Variants in TRIM24 observed in about 807,000 individuals in gnomAD.
TRIM24 encodes the protein transcription intermediary factor 1-alpha.
In TRIM24, 29 loss-of-function variants were observed where a neutral mutation model predicts 123.9. The ratio of observed to expected loss-of-function variants is 0.23; its 90% CI spans 0.17 to 0.32. TRIM24 has a LOEUF of 0.32. Among genes scored for constraint, TRIM24 ranks in the 10% least tolerant of loss-of-function variants. The pLI, the probability that TRIM24 is intolerant of heterozygous loss-of-function variation, is 1.00. For synonymous variants in TRIM24, 456 were observed against 461.1 expected (o/e 0.99, Z 0.14); for missense variants, 932 against 1,295.3 (o/e 0.72, Z 4.31).
intron 1 of TRIM24, among the ~76,000 whole-genome samples, chr7:138,498,620 C>T (rs1795966737): frequency 6.6e-6 from 1 of 151,986 alleles, no homozygotes; most frequent in Non-Finnish European, 1.5e-5. Context: ...AAGAATGTGC[C>T]TTCTGCTCAC....
In TRIM24 at chr7:138,587,330, GTGA is replaced by G. The variant is rs1798037991; in HGVS notation, c.*2380_*2382del. On this transcript the variant is annotated 3_prime_UTR_variant, in exon 19 of 19. Coordinates refer to ENST00000343526, the MANE Select transcript of TRIM24 (RefSeq NM_015905.3). ...ATCTCACCATTGCACTCCAGCCTGAGTGACAGAGACTCAGTCTCAAAAACAAAA... is the reference window on the plus strand; with the variant it reads ...ATCTCACCATTGCACTCCAGCCTGAGCAGAGACTCAGTCTCAAAAACAAAA... 6.6e-6 allele frequency: 1 copy of G among 152,278 alleles called. No homozygotes were observed. 9.4% of individuals were successfully genotyped at this position (152,278 alleles called of 1,614,324 possible). A position where few individuals can be genotyped will look rare whatever the true frequency, so the allele number is the denominator to read the frequency against.
At chr7:138,524,920 T>C (rs997772168) in intron 4 of TRIM24, among the ~76,000 whole-genome samples, 1 of 152,122 alleles carries the variant, frequency 6.6e-6, no homozygotes, top group Non-Finnish European at 1.5e-5. Flanking sequence ...AATTACAAAA[T>C]AGTTAATAAA....
At chr7:138,508,724 T>TGCGC (rs1554436744) in intron 2 of TRIM24, among the ~76,000 whole-genome samples, 1 of 148,724 alleles carries the variant, frequency 6.7e-6, no homozygotes, top group African/African-American at 2.5e-5. Flanking sequence ...TGTGTGCGTG[T>TGCGC]GTGTGTGTGT....
At chr7:138,468,461 C>A (rs1795199947) in intron 1 of TRIM24, among the ~76,000 whole-genome samples, 1 of 150,882 alleles carries the variant, frequency 6.6e-6, no homozygotes, top group Non-Finnish European at 1.5e-5. Context: ...GATATTAATG[C>A]CATTGTTTTT....
rs535127903 is a variant in TRIM24, at chr7:138,479,589, C to T, written c.364+18677C>T. Among the ~76,000 whole-genome samples the T allele has an allele frequency of 6.0e-5, 9 of 151,250 alleles. No individual in the cohort carries two copies. In the East Asian group the frequency reaches 7.9e-4, roughly 13 times the overall value. ...GTGCAGTGGCGGGATGTTGGCTCACCGCAATCTCTGCCTCCTGGGTTCAAG... is the reference window on the plus strand; with the variant it reads ...GTGCAGTGGCGGGATGTTGGCTCACTGCAATCTCTGCCTCCTGGGTTCAAG... On this transcript the variant is annotated intron_variant, in intron 1 of 18. Transcript: ENST00000343526.
At chr7:138,476,761 G>A (rs1456622015) in intron 1 of TRIM24, among the ~76,000 whole-genome samples, 4 of 152,102 alleles carry the variant, frequency 2.6e-5, no homozygotes, top group East Asian at 3.9e-4. Context: ...AAATGCAAAT[G>A]CATTTCCTCA....
chr7:138,502,955 A>G (rs1436674515), intron 1 of TRIM24, among the ~76,000 whole-genome samples: 1 of 152,120 alleles, frequency 6.6e-6, no homozygotes, highest in Non-Finnish European at 1.5e-5. Flanking sequence ...TCACAAAGAT[A>G]TTCTCTTACA....
chr7:138,505,008 G>A (rs960708217), intron 2 of TRIM24, among the ~76,000 whole-genome samples: 1 of 148,264 alleles, frequency 6.7e-6, no homozygotes, highest in Non-Finnish European at 1.5e-5. Flanking sequence ...TAATCCACCC[G>A]CCTCGGCCTC....
rs1236411251 is a variant in TRIM24 at position 138,460,477 on chromosome 7, G to A, written c.-72G>A. 8.0e-7 allele frequency: 1 copy of A among 1,248,602 alleles called. No individual in the cohort carries two copies. The highest frequency in any genetic ancestry group is 3.2e-5 in the East Asian group (1 of 31,652). The allele number at this position is 1,248,602 out of a possible 1,614,324, so 77.3% of individuals were successfully genotyped here. On this transcript the variant is annotated 5_prime_UTR_variant, in exon 1 of 19. Coordinates refer to ENST00000343526, the MANE Select transcript of TRIM24 (RefSeq NM_015905.3). ...GGCCTCTGAGGAGCAGCCGCAGGAG[G>A]AGGAGGAGGTCGTCGGGGGCGGCGG...
At chr7:138,507,357 T>C (rs999790987) in intron 2 of TRIM24, among the ~76,000 whole-genome samples, 9 of 139,792 alleles carry the variant, frequency 6.4e-5, no homozygotes, top group African/African-American at 2.3e-4. Flanking sequence ...ATTTCATCTG[T>C]AATTTTTTTT....
chr7:138,518,998 CT>C (rs1190874891), intron 3 of TRIM24, among the ~76,000 whole-genome samples, 190 bp from the exon 4 acceptor site: 30 of 151,494 alleles, frequency 2.0e-4, no homozygotes, highest in Admixed American at 2.0e-3. Flanking sequence ...AGGTTATTTA[CT>C]TTTTTTTTCC....
chr7:138,558,008 T>C (rs1210599436), intron 9 of TRIM24, among the ~76,000 whole-genome samples: 3 of 152,218 alleles, frequency 2.0e-5, no homozygotes, highest in Non-Finnish European at 4.4e-5. Context: ...TTCTCCTTTT[T>C]GTTTCATCAT....
At chr7:138,508,662 A>AGTGTGTGTGTGTGT (rs781643258) in intron 2 of TRIM24, among the ~76,000 whole-genome samples, 93 of 112,870 alleles carry the variant, frequency 8.2e-4, no homozygotes, top group African/African-American at 2.6e-3. Flanking sequence ...TAATAAGAGG[A>AGTGTGTGTGTGTGT]GTGTGTGTGT....
chr7:138,463,194 C>CT (rs1795051646), intron 1 of TRIM24, among the ~76,000 whole-genome samples: 1 of 151,392 alleles, frequency 6.6e-6, no homozygotes, highest in South Asian at 2.1e-4. Flanking sequence ...CTGGCCTGTT[C>CT]TTATTTCTTA....
At chr7:138,516,927 G>A (rs909701375) in intron 3 of TRIM24, among the ~76,000 whole-genome samples, 4 of 150,294 alleles carry the variant, frequency 2.7e-5, no homozygotes, top group Non-Finnish European at 4.4e-5. Flanking sequence ...TTGCCAACAT[G>A]GTGAAACCCT....
intron 9 of TRIM24, among the ~76,000 whole-genome samples, chr7:138,566,335 G>A (rs1440278435): frequency 2.0e-5 from 3 of 152,030 alleles, no homozygotes; most frequent in African/African-American, 4.8e-5. Flanking sequence ...GACCAACATG[G>A]CAAAACCCCA....
intron 1 of TRIM24, among the ~76,000 whole-genome samples, chr7:138,502,250 G>C (rs952598216): frequency 6.6e-6 from 1 of 152,204 alleles, no homozygotes; most frequent in African/African-American, 2.4e-5. Context: ...AGGTTTACCA[G>C]GTACCAGCCT....
At chr7:138,470,695 G>C (rs913602915) in intron 1 of TRIM24, among the ~76,000 whole-genome samples, 1 of 152,168 alleles carries the variant, frequency 6.6e-6, no homozygotes, top group African/African-American at 2.4e-5. Context: ...ATTAACGACA[G>C]AGACAGTTCC....
intron 1 of TRIM24, among the ~76,000 whole-genome samples, chr7:138,467,686 G>T (rs1077772): frequency 0.83 from 125,823 of 152,178 alleles, 52,367 homozygotes; most frequent in Non-Finnish European, 0.85. Context: ...GTGAATATGT[G>T]TTATCTCTTA....
Sources: gnomAD v4.1 joint callset for allele counts (sites outside exome capture counted in the v4.1 genomes callset) on GRCh38, gnomAD v4.1.1 for gene constraint, MANE v1.5 for transcripts, NCBI Gene and HGNC (gene_info 2026-07-23, HGNC 2026-07-21) for gene names.